CDK19: variants seen among roughly 807,000 people sequenced by gnomAD.
CDK19 encodes cyclin-dependent kinase 19.
In CDK19, 20 loss-of-function variants were observed where a neutral mutation model predicts 68.3. That is an observed-to-expected ratio of 0.29 (90% CI 0.21 to 0.43). The LOEUF (loss-of-function observed/expected upper bound fraction) is 0.43. Among genes scored for constraint, CDK19 ranks in the 20% least tolerant of loss-of-function variants. The probability of loss-of-function intolerance (pLI) is 1.00; values close to 1 mark genes in which losing one functional copy is unlikely to be tolerated. For synonymous variants in CDK19, 221 were observed against 222.8 expected (o/e 0.99, Z 0.07); for missense variants, 339 against 623.5 (o/e 0.54, Z 4.86).
intron 1 of CDK19, among the ~76,000 whole-genome samples, chr6:110,759,426 AAAATATATATAT>A (rs1319364794): frequency 2.2e-5 from 2 of 92,716 alleles, no homozygotes; most frequent in African/African-American, 1.0e-4. Flanking sequence ...AAAAAAAAAA[AAAATATATATAT>A]ATATATATAT....
At chr6:110,739,156 A>G (rs1422955933) in intron 2 of CDK19, among the ~76,000 whole-genome samples, 1 of 152,138 alleles carries the variant, frequency 6.6e-6, no homozygotes, top group Non-Finnish European at 1.5e-5. Flanking sequence ...TGCCCTCCCA[A>G]ATTCGTATGT....
intron 8 of CDK19, among the ~76,000 whole-genome samples, chr6:110,624,577 G>T (rs1382581389): frequency 6.6e-6 from 1 of 152,088 alleles, no homozygotes; most frequent in Non-Finnish European, 1.5e-5. Flanking sequence ...TACATATATG[G>T]TATAAACACA....
intron 2 of CDK19, among the ~76,000 whole-genome samples, chr6:110,677,872 C>G (rs995862925): frequency 6.6e-5 from 10 of 152,174 alleles, no homozygotes; most frequent in Admixed American, 3.3e-4. Context: ...TATTTTGAGA[C>G]AAGATCTCAC....
intron 1 of CDK19, among the ~76,000 whole-genome samples, chr6:110,754,850 C>T (rs554937493): frequency 2.6e-4 from 39 of 152,150 alleles, no homozygotes; most frequent in African/African-American, 9.4e-4. Flanking sequence ...GACTTACTTG[C>T]AACAGAAGGT....
Position 110,610,121 on chromosome 6 carries a change from A to T in CDK19, c.*4414T>A, listed in dbSNP as rs1777942609. On this transcript the variant is annotated 3_prime_UTR_variant, in exon 13 of 13. Transcript: ENST00000368911. ...GCTCCAAAGCAGTAGCTCGTCCTGC[A>T]CTCCATGGAGCAGGCCTCGCTGGGG... 1 of 152,176 alleles carries T rather than the reference A, an allele frequency of 6.6e-6. No individual in the cohort carries two copies. Among genetic ancestry groups the T allele is most frequent in the Non-Finnish European group, 1.5e-5 (1 of 68,022 alleles). 9.4% of individuals were successfully genotyped at this position (152,176 alleles called of 1,614,324 possible).
rs761454481 is a variant in CDK19 at position 110,614,543 on chromosome 6, G to A, written c.1501C>T (p.Arg501Trp). The change falls in exon 13 of 13, where the codon CGG becomes TGG. Residue 501 changes from arginine (R) to tryptophan (W), a missense_variant. Arg to Trp is a moderately radical substitution (Grantham distance 101). This residue lies in a region of CDK19 where 155 missense variants were observed against 222.7 expected (regional missense o/e 0.70). Coordinates refer to ENST00000368911, the MANE Select transcript of CDK19 (RefSeq NM_015076.5). ...GGCCCAACGGGAGCTGGTCAGTACC[G>A]GTGGGCCTGGTGAGATGGGTGGTAC... ...SQYHPSHQAH[R>W]Y 8.7e-6 allele frequency: 14 copies of A among 1,613,744 alleles called. No individual in the cohort carries two copies. The highest frequency in any genetic ancestry group is 4.5e-5 in the East Asian group (2 of 44,896).
rs1562149994 is a variant in CDK19, at chr6:110,641,651, AAGG to A, written c.457-2948_457-2946del. On this transcript the variant is annotated intron_variant, in intron 4 of 12. Coordinates refer to ENST00000368911, the MANE Select transcript of CDK19 (RefSeq NM_015076.5). ...GGAAAGGAGGAAAGGGAAAGAAAGG[AAGG>A]AAGGAAGGAAGGAAGGAAGGAAGGA... is the stretch of plus-strand genomic sequence containing the variant. Among the ~76,000 whole-genome samples, 668 of 134,420 alleles carry A rather than the reference AAGG, an allele frequency of 5.0e-3. 10 individuals carry two copies. The highest frequency in any genetic ancestry group is 0.05 in the South Asian group (210 of 4,238). 88.2% of individuals were successfully genotyped at this position (134,420 alleles called of 152,430 possible).
At chr6:110,783,208 AG>A (rs1780943442) in intron 1 of CDK19, among the ~76,000 whole-genome samples, 1 of 152,232 alleles carries the variant, frequency 6.6e-6, no homozygotes, top group Non-Finnish European at 1.5e-5. Context: ...GGGTAGGGGC[AG>A]GAACAGCAGA....
chr6:110,777,748 TC>T (rs1158228681), intron 1 of CDK19, among the ~76,000 whole-genome samples: 4 of 152,206 alleles, frequency 2.6e-5, no homozygotes, highest in Non-Finnish European at 5.9e-5. Flanking sequence ...AATCCAAGCT[TC>T]CCTTAACGGA....
At chr6:110,811,304 T>C (rs933601830) in intron 1 of CDK19, among the ~76,000 whole-genome samples, 11 of 152,236 alleles carry the variant, frequency 7.2e-5, no homozygotes, top group African/African-American at 1.2e-4. Flanking sequence ...CATGTACTCA[T>C]TGTGAAGAAT....
chr6:110,686,575 TCAA>T (rs1772506993), intron 2 of CDK19, among the ~76,000 whole-genome samples: 1 of 152,148 alleles, frequency 6.6e-6, no homozygotes, highest in East Asian at 1.9e-4. Flanking sequence ...AAGTAGAGAC[TCAA>T]CAAATTTTAG....
At chr6:110,711,608 G>C (rs1774943871) in intron 2 of CDK19, among the ~76,000 whole-genome samples, 1 of 152,150 alleles carries the variant, frequency 6.6e-6, no homozygotes, top group African/African-American at 2.4e-5. Context: ...GTAAGTCAAA[G>C]GAAAATATCA....
intron 2 of CDK19, among the ~76,000 whole-genome samples, chr6:110,699,418 T>A (rs1319521860): frequency 7.4e-6 from 1 of 134,262 alleles, no homozygotes; most frequent in Non-Finnish European, 1.6e-5. Context: ...GAGTAAGACT[T>A]CGTCTCAAAA....
intron 4 of CDK19, chr6:110,646,223 G>GC (rs751130680): frequency 6.9e-7 from 1 of 1,456,044 alleles, no homozygotes; most frequent in Non-Finnish European, 9.1e-7. Context: ...GGTCCGACGC[G>GC]CAGGAGCTGC....
intron 1 of CDK19, among the ~76,000 whole-genome samples, chr6:110,812,344 G>T (rs1454803818): frequency 6.6e-6 from 1 of 151,938 alleles, no homozygotes; most frequent in South Asian, 2.1e-4. Context: ...GGATGGTCTC[G>T]ATCTCCTGAC....
chr6:110,710,206 C>G (rs1451643572), intron 2 of CDK19, among the ~76,000 whole-genome samples: 2 of 152,140 alleles, frequency 1.3e-5, no homozygotes, highest in Non-Finnish European at 2.9e-5. Flanking sequence ...CCAACTCAAC[C>G]AAACACAGTT....
intron 2 of CDK19, among the ~76,000 whole-genome samples, chr6:110,681,103 C>T (rs1184495297): frequency 1.3e-5 from 2 of 152,022 alleles, no homozygotes; most frequent in African/African-American, 2.4e-5. Flanking sequence ...TCTGGGAGGC[C>T]GAAGCAGGCA....
At chr6:110,808,436 C>T (rs75098244) in intron 1 of CDK19, among the ~76,000 whole-genome samples, 2,580 of 152,312 alleles carry the variant, frequency 0.017, 28 homozygotes, top group Middle Eastern at 0.041. Context: ...CATCCTTATC[C>T]ATACTGGTTT....
intron 2 of CDK19, among the ~76,000 whole-genome samples, chr6:110,674,542 C>T (rs1002319205): frequency 5.3e-5 from 8 of 152,084 alleles, no homozygotes; most frequent in Non-Finnish European, 1.2e-4. Flanking sequence ...GCAAAACAGC[C>T]TTATTGTGGA....
Sources: gnomAD v4.1 joint callset for allele counts (sites outside exome capture counted in the v4.1 genomes callset) on GRCh38, gnomAD v4.1.1 for gene constraint, gnomAD v4.1.1 regional missense constraint, MANE v1.5 for transcripts, NCBI Gene and HGNC (gene_info 2026-07-23, HGNC 2026-07-21) for gene names.